The following TNNT2 variants were observed in gnomAD, a reference collection of about 807,000 sequenced individuals.
TNNT2 encodes troponin T, cardiac muscle.
TNNT2 carries 34 observed loss-of-function variants against 62.4 expected under a neutral mutation model. The observed-to-expected ratio is 0.54, with a 90% CI of 0.41 to 0.72. The LOEUF (loss-of-function observed/expected upper bound fraction) is 0.72, where lower values mean the gene tolerates loss of function less well. Ranked by LOEUF, TNNT2 falls within the 30% of genes least tolerant of loss-of-function variation. The pLI is 0.00. For missense variants in TNNT2, 275 were observed against 381.9 expected (o/e 0.72, Z 2.33); for synonymous variants, 123 against 127.2 (o/e 0.97, Z 0.22).
At chr1:201,376,160 G>A (rs797002325) in intron 1 of TNNT2, among the ~76,000 whole-genome samples, 27 of 152,318 alleles carry the variant, frequency 1.8e-4, no homozygotes, top group African/African-American at 6.5e-4. Context: ...CTAGCCTAAT[G>A]CATTCATAGC....
Position 201,363,292 on chromosome 1 carries a change from C to T in TNNT2, c.600+4G>A, listed in dbSNP as rs372988386. On this transcript the variant is annotated splice_donor_region_variant and intron_variant, in intron 12 of 16. Coordinates refer to ENST00000656932, the MANE Select transcript of TNNT2 (RefSeq NM_001276345.2). Reference sequence around the variant, plus strand: ...CCTGGCAACCCCTGCTGCTCCCTACCTACCTTCTGGATGTAACCCCCAAAA... The same window carrying T: ...CCTGGCAACCCCTGCTGCTCCCTACTTACCTTCTGGATGTAACCCCCAAAA... 2 of 1,614,162 alleles carry T rather than the reference C, an allele frequency of 1.2e-6. No homozygotes were observed. Among genetic ancestry groups the T allele is most frequent in the Admixed American group, 1.7e-5 (1 of 60,030 alleles).
chr1:201,365,190 C>G lies in TNNT2; in HGVS notation c.411+1G>C. The G allele has an allele frequency of 6.2e-7, 1 of 1,611,154 alleles. No homozygotes were observed. The highest frequency in any genetic ancestry group is 8.5e-7 in the Non-Finnish European group (1 of 1,177,256). On this transcript the variant is annotated splice_donor_variant, in intron 10 of 16. Transcript: ENST00000656932. LOFTEE classifies it high-confidence loss of function. Reference sequence around the variant, plus strand: ...GTTAGGTGGGCAGACTGGACACCTACGATCCTGTCTTTGAGAGAAACGAGC... The same window carrying G: ...GTTAGGTGGGCAGACTGGACACCTAGGATCCTGTCTTTGAGAGAAACGAGC...
At position 201,369,449 on chromosome 1, in the gene TNNT2, C is replaced by T. The variant is rs116640473; in HGVS notation, c.97+367G>A. 944 of 485,702 alleles carry T rather than the reference C, an allele frequency of 1.9e-3. 7 individuals carry two copies. Among genetic ancestry groups the T allele is most frequent in the African/African-American group, 0.015 (772 of 50,822 alleles). The allele number at this position is 485,702 out of a possible 1,614,324, so 30.1% of individuals were successfully genotyped here. ...GTGCTGTCCAGCTCCTAAGGAGGGCCCAGCATGGAACACTGGGGTGTGCGC... is the reference window on the plus strand; with the variant it reads ...GTGCTGTCCAGCTCCTAAGGAGGGCTCAGCATGGAACACTGGGGTGTGCGC... On this transcript the variant is annotated intron_variant, in intron 5 of 16. Transcript: ENST00000656932.
chr1:201,374,817 A>G (rs1006880524), intron 1 of TNNT2: 12 of 152,342 alleles, frequency 7.9e-5, no homozygotes, highest in African/African-American at 2.2e-4. Context: ...CGTGAACAGC[A>G]GCCTCTGTTA....
chr1:201,370,184 C>T (rs998312040), intron 4 of TNNT2, among the ~76,000 whole-genome samples: 5 of 152,188 alleles, frequency 3.3e-5, no homozygotes, highest in Non-Finnish European at 5.9e-5. Context: ...TGCCTCTAGA[C>T]GACAGAGCCT....
rs924492137 is a variant in TNNT2 at position 201,377,635 on chromosome 1, G to T, written c.-27C>A. 4 of 456,194 alleles carry T rather than the reference G, an allele frequency of 8.8e-6. No individual in the cohort carries two copies. Among genetic ancestry groups the T allele is most frequent in the African/African-American group, 8.0e-5 (4 of 50,080 alleles). The allele number at this position is 456,194 out of a possible 1,614,324, so 28.3% of individuals were successfully genotyped here. A position where few individuals can be genotyped will look rare whatever the true frequency, so the allele number is the denominator to read the frequency against. ...GCCCGAGCCTTACCTCAGAACAGCA[G>T]CTGCCGACAGATCCTGGAGGCGTCT... is the stretch of plus-strand genomic sequence containing the variant. On this transcript the variant is annotated 5_prime_UTR_variant, in exon 1 of 17. The change creates a new upstream start codon in the 5' untranslated region. Transcript: ENST00000656932.
At chr1:201,366,943 G>A in intron 7 of TNNT2, 72 bp from the exon 8 acceptor site, 1 of 1,612,802 alleles carries the variant, frequency 6.2e-7, no homozygotes. Flanking sequence ...CCCTCGATGA[G>A]CTAGATCCCT....
chr1:201,371,916 T>C, intron 4 of TNNT2, 111 bp downstream of exon 4: 1 of 1,441,126 alleles, frequency 6.9e-7, no homozygotes, highest in Non-Finnish European at 9.7e-7. Context: ...AGGATCTTGC[T>C]CAGCTGAGAG....
intron 11 of TNNT2, chr1:201,363,626 G>T (rs895880755): frequency 9.2e-5 from 51 of 555,936 alleles, no homozygotes; most frequent in Non-Finnish European, 1.5e-4. Context: ...CAAATGTGAG[G>T]TCTCGTCATC....
intron 15 of TNNT2, 110 bp downstream of exon 15, chr1:201,361,169 G>C: frequency 9.6e-7 from 1 of 1,045,578 alleles, no homozygotes; most frequent in Non-Finnish European, 1.5e-6. Context: ...GAAGGGGGCT[G>C]TTGGGGAATA....
In TNNT2 at chr1:201,359,173, G is replaced by C. The variant is rs149240770; in HGVS notation, c.*37C>G. On this transcript the variant is annotated 3_prime_UTR_variant, in exon 17 of 17. Transcript: ENST00000656932. ...GGGAGTGCAGGCCGGAGGCAGGTGCGAGCGAGGAGCAGATCTTTGGTGAAG... is the reference window on the plus strand; with the variant it reads ...GGGAGTGCAGGCCGGAGGCAGGTGCCAGCGAGGAGCAGATCTTTGGTGAAG... 1 of 1,598,354 alleles carries C rather than the reference G, an allele frequency of 6.3e-7. No individual in the cohort carries two copies. The highest frequency in any genetic ancestry group is 2.3e-5 in the East Asian group (1 of 44,416).
chr1:201,370,850 G>A (rs1660513100), intron 4 of TNNT2, among the ~76,000 whole-genome samples: 1 of 152,374 alleles, frequency 6.6e-6, no homozygotes, highest in African/African-American at 2.4e-5. Flanking sequence ...AACAAAGGAA[G>A]GGATATCATA....
chr1:201,377,080 C>T (rs1439564076), intron 1 of TNNT2, among the ~76,000 whole-genome samples: 2 of 152,194 alleles, frequency 1.3e-5, no homozygotes, highest in Non-Finnish European at 2.9e-5. Context: ...CTCAGTACTT[C>T]CAGGACAGTT....
chr1:201,364,429 G>C lies in TNNT2; in HGVS notation c.412-54C>G, dbSNP rs45612735. 14 of 1,576,510 alleles carry C rather than the reference G, an allele frequency of 8.9e-6. 1 individual carries two copies. Among genetic ancestry groups the C allele is most frequent in the African/African-American group, 1.3e-5 (1 of 74,324 alleles). Reference sequence around the variant, plus strand: ...GTGTGCATAGGGAGAAGGTGACATCGCAGGTACAGAAACCTGCATGGGGTG... The same window carrying C: ...GTGTGCATAGGGAGAAGGTGACATCCCAGGTACAGAAACCTGCATGGGGTG... On this transcript the variant is annotated intron_variant, in intron 10 of 16. Coordinates refer to ENST00000656932, the MANE Select transcript of TNNT2 (RefSeq NM_001276345.2).
chr1:201,367,545 C>T (rs2102278563), intron 7 of TNNT2: 1 of 632,500 alleles, frequency 1.6e-6, no homozygotes, highest in African/African-American at 1.8e-5. Context: ...GGACAATGGT[C>T]CCCTCTCCCA....
rs1659923363 is a variant in TNNT2 at position 201,367,798 on chromosome 1, C to T, written c.172G>A (p.Glu58Lys). The change falls in exon 7 of 17, where the codon GAA (glutamate) becomes AAA (lysine). Residue 58 changes from glutamate to lysine, a missense_variant. Physicochemically the swap from Glu to Lys is moderately conservative, Grantham distance 56. Transcript: ENST00000656932. ...TCAGCCTCCTTTGCTTCCTCTTCTT[C>T]TTCATCTTCTAAATGAAACACGAGA... The part of the protein sequence containing the change: ...TEETRAEEDE[E>K]EEEAKEAEDG... The T allele has an allele frequency of 1.2e-6, 2 of 1,614,072 alleles. No individual in the cohort carries two copies. The highest frequency in any genetic ancestry group is 1.7e-6 in the Non-Finnish European group (2 of 1,180,048).
intron 2 of TNNT2, 60 bp from the exon 3 acceptor site, chr1:201,372,215 C>A: frequency 6.2e-7 from 1 of 1,610,274 alleles, no homozygotes. Flanking sequence ...AACACACACG[C>A]CTGCACACAC....
intron 6 of TNNT2, 85 bp from the exon 7 acceptor site, chr1:201,367,891 G>A (rs1659940445): frequency 6.6e-7 from 1 of 1,513,078 alleles, no homozygotes; most frequent in Non-Finnish European, 9.2e-7. Flanking sequence ...CTTCCCCACA[G>A]ATAAGCCCTA....
Position 201,362,410 on chromosome 1 carries a change from AT to A in TNNT2, c.601-17del. The A allele has an allele frequency of 6.2e-7, 1 of 1,613,778 alleles. No homozygotes were observed. Reference sequence around the variant, plus strand: ...CCTGGGCCTGCTAAACCGGGAAACCATGAGAGAGAGGCCCATAGAAAAAGAC... The same window carrying A: ...CCTGGGCCTGCTAAACCGGGAAACCAGAGAGAGAGGCCCATAGAAAAAGAC... On this transcript the variant is annotated splice_polypyrimidine_tract_variant and intron_variant, in intron 12 of 16. Coordinates refer to ENST00000656932, the MANE Select transcript of TNNT2 (RefSeq NM_001276345.2).
Sources: gnomAD v4.1 joint callset for allele counts (sites outside exome capture counted in the v4.1 genomes callset) on GRCh38, gnomAD v4.1.1 for gene constraint, MANE v1.5 for transcripts, NCBI Gene and HGNC (gene_info 2026-07-23, HGNC 2026-07-21) for gene names.